The following SCAF11 variants were observed in gnomAD, a reference collection of about 807,000 sequenced individuals.
The protein encoded by SCAF11 is SR-related CTD associated factor 11, also known as protein SCAF11.
A neutral mutation model predicts 140.5 loss-of-function variants in SCAF11; 47 were observed. The observed-to-expected ratio is 0.33, with a 90% confidence interval of 0.26 to 0.43. SCAF11 has a LOEUF of 0.43. SCAF11 is among the 20% of genes least tolerant of loss of function. The pLI is 1.00. For synonymous variants in SCAF11, 557 were observed against 579.4 expected (o/e 0.96, Z 0.55); for missense variants, 1,645 against 1,705.1 (o/e 0.96, Z 0.62).
chr12:45,964,983 T>C (rs570323388), intron 1 of SCAF11, among the ~76,000 whole-genome samples: 1 of 152,228 alleles, frequency 6.6e-6, no homozygotes, highest in South Asian at 2.1e-4. Flanking sequence ...TATGTGTGTG[T>C]CTCTACTGAG....
Position 45,919,477 on chromosome 12 carries a change from A to G in SCAF11, c.*2571T>C, listed in dbSNP as rs1414574104. 1 of 152,544 alleles carries G rather than the reference A, an allele frequency of 6.6e-6. No homozygotes were observed. The highest frequency in any genetic ancestry group is 1.5e-5 in the Non-Finnish European group (1 of 68,034). The allele number at this position is 152,544 out of a possible 1,614,324, so 9.4% of individuals were successfully genotyped here. A position where few individuals can be genotyped will look rare whatever the true frequency, so the allele number is the denominator to read the frequency against. On this transcript the variant is annotated 3_prime_UTR_variant, in exon 15 of 15. Coordinates refer to ENST00000369367, the MANE Select transcript of SCAF11 (RefSeq NM_004719.3). The stretch of plus-strand genomic sequence containing the variant: ...TGTGACTAGTAAGTTAACGGGACCA[A>G]GGTTTCAAAGATCAATACTGAACCT...
chr12:45,990,573 T>C lies in SCAF11; in HGVS notation c.-242A>G. The C allele has an allele frequency of 8.1e-7, 1 of 1,229,946 alleles. No individual in the cohort carries two copies. 76.2% of individuals were successfully genotyped at this position (1,229,946 alleles called of 1,614,324 possible). ...TCCGCGCGGCTTAAGCCACCGCTAC[T>C]CCCCCTTCCCCCGCCTTGTCTAGCC... On this transcript the variant is annotated 5_prime_UTR_variant, in exon 1 of 15. Transcript: ENST00000369367.
intron 6 of SCAF11, among the ~76,000 whole-genome samples, chr12:45,942,640 T>C (rs1238573810): frequency 6.6e-6 from 1 of 152,204 alleles, no homozygotes; most frequent in African/African-American, 2.4e-5. Flanking sequence ...CTTTTACACT[T>C]GCTGTTCCCT....
chr12:45,971,599 C>T, intron 1 of SCAF11, among the ~76,000 whole-genome samples: 1 of 152,106 alleles, frequency 6.6e-6, no homozygotes, highest in Non-Finnish European at 1.5e-5. Context: ...AGAGAGCAAG[C>T]TCTAAGAGAA....
intron 1 of SCAF11, among the ~76,000 whole-genome samples, chr12:45,989,573 C>T (rs1321501381): frequency 1.1e-4 from 17 of 152,214 alleles, no homozygotes; most frequent in Admixed American, 1.1e-3. Context: ...CTTCAAAATA[C>T]GTGTTGGTGG....
intron 11 of SCAF11, among the ~76,000 whole-genome samples, 189 bp downstream of exon 11, chr12:45,925,953 A>G (rs1246326427): frequency 2.0e-5 from 3 of 152,220 alleles, no homozygotes; most frequent in Non-Finnish European, 4.4e-5. Context: ...AGGTAGCATT[A>G]ATAATATACT....
At chr12:45,991,021 C>CGCAGGG (rs1267116268), upstream of SCAF11, among the ~76,000 whole-genome samples, 1 of 152,242 alleles carries the variant, frequency 6.6e-6, no homozygotes, top group Non-Finnish European at 1.5e-5. Flanking sequence ...AAGGATTTTG[C>CGCAGGG]GCAGGGTGTG....
At chr12:45,985,909 C>T (rs1946450170) in intron 1 of SCAF11, among the ~76,000 whole-genome samples, 1 of 152,156 alleles carries the variant, frequency 6.6e-6, no homozygotes, top group African/African-American at 2.4e-5. Context: ...CTCTTATCAA[C>T]ACTTGACCCA....
At chr12:45,976,342 C>T (rs1314998439) in intron 1 of SCAF11, among the ~76,000 whole-genome samples, 1 of 152,074 alleles carries the variant, frequency 6.6e-6, no homozygotes, top group Non-Finnish European at 1.5e-5. Flanking sequence ...TCAGAGAGCC[C>T]ACATTCACAT....
rs139363525 is a variant in SCAF11, at chr12:45,935,334, C to T, written c.464-829G>A. 5.9e-3 allele frequency among the ~76,000 whole-genome samples: 903 copies of T among 152,308 alleles called. 8 individuals carry two copies. Among genetic ancestry groups the T allele is most frequent in the African/African-American group, 0.021 (860 of 41,548 alleles). The stretch of plus-strand genomic sequence containing the variant: ...ATTATACAACAGCTGTTTGGTTTTG[C>T]ACAAGTCCCTCTCAGAACTACTGTA... On this transcript the variant is annotated intron_variant, in intron 6 of 14. Coordinates refer to ENST00000369367, the MANE Select transcript of SCAF11 (RefSeq NM_004719.3).
chr12:45,974,305 A>G, intron 1 of SCAF11: 1 of 455,282 alleles, frequency 2.2e-6, no homozygotes, highest in Non-Finnish European at 4.5e-6. Flanking sequence ...ACAGGATGGT[A>G]GTTGCTGAAG....
intron 1 of SCAF11, among the ~76,000 whole-genome samples, chr12:45,972,866 ATATATATATATATAGATATATATATAGAT>A: frequency 3.5e-5 from 1 of 28,962 alleles, no homozygotes; most frequent in Admixed American, 4.3e-4. Context: ...ATATATATCG[ATATATATATATATAGATATATATATAGAT>A]ATATATATAT....
intron 1 of SCAF11, among the ~76,000 whole-genome samples, chr12:45,970,817 A>AAGTAATC (rs1946055337): frequency 1.3e-5 from 2 of 152,224 alleles, no homozygotes; most frequent in Non-Finnish European, 2.9e-5. Context: ...TCTTTTAATA[A>AAGTAATC]AATCAGTTTC....
At chr12:45,978,203 C>T (rs1946277420) in intron 1 of SCAF11, among the ~76,000 whole-genome samples, 1 of 152,110 alleles carries the variant, frequency 6.6e-6, no homozygotes, top group Admixed American at 6.5e-5. Context: ...TTGATAACTT[C>T]AATATATTTA....
At chr12:45,945,347 G>A in intron 5 of SCAF11, 34 bp from the exon 6 acceptor site, 1 of 1,231,034 alleles carries the variant, frequency 8.1e-7, no homozygotes, top group Non-Finnish European at 1.2e-6. Flanking sequence ...AAAGAATTAA[G>A]AAAAAAACTG....
At chr12:45,945,421 T>G in intron 5 of SCAF11, 108 bp from the exon 6 acceptor site, 1 of 662,752 alleles carries the variant, frequency 1.5e-6, no homozygotes, top group Admixed American at 2.8e-5. Context: ...CATGCACTGA[T>G]TTTGGTAACT....
intron 4 of SCAF11, among the ~76,000 whole-genome samples, 163 bp downstream of exon 4, chr12:45,951,487 A>C (rs1945548410): frequency 1.3e-5 from 2 of 152,178 alleles, no homozygotes; most frequent in South Asian, 4.1e-4. Flanking sequence ...TCAGAATTTA[A>C]GTATATTAGT....
At chr12:45,933,066 A>T in intron 9 of SCAF11, 65 bp downstream of exon 9, 3 of 1,040,954 alleles carry the variant, frequency 2.9e-6, no homozygotes, top group Non-Finnish European at 4.3e-6. Flanking sequence ...CTTGTACTTA[A>T]GTACTAATGC....
intron 3 of SCAF11, among the ~76,000 whole-genome samples, chr12:45,959,806 T>C (rs1945782440): frequency 6.6e-6 from 1 of 152,336 alleles, no homozygotes; most frequent in Admixed American, 6.5e-5. Flanking sequence ...ACTGAAAGGT[T>C]TATTTAAATG....
Sources: allele counts gnomAD v4.1 joint callset (sites outside exome capture counted in the v4.1 genomes callset), GRCh38; gene constraint gnomAD v4.1.1; transcripts MANE v1.5; gene names NCBI Gene and HGNC (gene_info 2026-07-23, HGNC 2026-07-21).